CADPS: variants seen among roughly 807,000 people sequenced by gnomAD.
The protein encoded by CADPS is calcium-dependent secretion activator 1.
A neutral mutation model predicts 167.3 loss-of-function variants in CADPS; 57 were observed. That is an observed-to-expected ratio of 0.34 (90% CI 0.28 to 0.42). The LOEUF is 0.42. Among genes scored for constraint, CADPS ranks in the 20% least tolerant of loss-of-function variants. The probability of loss-of-function intolerance (pLI) is 1.00; values close to 1 mark genes in which losing one functional copy is unlikely to be tolerated. For missense variants in CADPS, 1,414 were observed against 1,738.1 expected, an observed-to-expected ratio of 0.81 and a Z score of 3.32; for synonymous variants, 676 against 635.3, an observed-to-expected ratio of 1.06 and a Z score of -0.96.
chr3:62,588,837 C>T (rs1198154453), intron 7 of CADPS, among the ~76,000 whole-genome samples: 1 of 152,004 alleles, frequency 6.6e-6, no homozygotes, highest in Non-Finnish European at 1.5e-5. Flanking sequence ...ATTTCAGGCA[C>T]CATGTAGAGA....
At chr3:62,835,300 G>A (rs1366584144) in intron 1 of CADPS, among the ~76,000 whole-genome samples, 5 of 152,084 alleles carry the variant, frequency 3.3e-5, no homozygotes, top group Non-Finnish European at 5.9e-5. Flanking sequence ...AACAATCAGG[G>A]AACAACAGGG....
intron 6 of CADPS, among the ~76,000 whole-genome samples, chr3:62,629,605 AC>A (rs2064855662): frequency 6.6e-6 from 1 of 152,186 alleles, no homozygotes; most frequent in Admixed American, 6.5e-5. Context: ...AGTAACCACC[AC>A]CATGGCCATT....
chr3:62,770,397 A>G (rs894651620), intron 1 of CADPS, among the ~76,000 whole-genome samples: 6 of 152,180 alleles, frequency 3.9e-5, no homozygotes, highest in Admixed American at 1.3e-4. Context: ...ATACTTTATC[A>G]GCACAGAATA....
At chr3:62,776,256 C>T (rs2090261072) in intron 1 of CADPS, among the ~76,000 whole-genome samples, 1 of 152,128 alleles carries the variant, frequency 6.6e-6, no homozygotes, top group Admixed American at 6.5e-5. Context: ...GAGAACAGAA[C>T]ACAGTACAGG....
intron 1 of CADPS, among the ~76,000 whole-genome samples, chr3:62,814,856 C>T (rs767079618): frequency 2.0e-5 from 3 of 152,092 alleles, no homozygotes; most frequent in Non-Finnish European, 4.4e-5. Context: ...GTTTTTATTA[C>T]GTTAAAGATC....
At chr3:62,720,411 C>T (rs1371120645) in intron 3 of CADPS, among the ~76,000 whole-genome samples, 1 of 151,370 alleles carries the variant, frequency 6.6e-6, no homozygotes, top group Non-Finnish European at 1.5e-5. Flanking sequence ...TAACATTGAA[C>T]TCCTGGGACT....
At chr3:62,467,095 T>G (rs2060030722) in intron 24 of CADPS, among the ~76,000 whole-genome samples, 2 of 152,284 alleles carry the variant, frequency 1.3e-5, no homozygotes, top group South Asian at 4.1e-4. Flanking sequence ...ATTTAAATAG[T>G]AATGTGAAGA....
At chr3:62,642,084 G>A (rs2067541679) in intron 6 of CADPS, among the ~76,000 whole-genome samples, 1 of 144,524 alleles carries the variant, frequency 6.9e-6, no homozygotes, top group Admixed American at 7.3e-5. Flanking sequence ...GTTATGTTAT[G>A]TACTCCTAAA....
chr3:62,804,177 A>C (rs1382101395), intron 1 of CADPS, among the ~76,000 whole-genome samples: 1 of 152,142 alleles, frequency 6.6e-6, no homozygotes, highest in East Asian at 1.9e-4. Context: ...GACAGGGACC[A>C]TTATGTCTGT....
At chr3:62,554,085 G>C (rs1482894143) in intron 10 of CADPS, among the ~76,000 whole-genome samples, 2 of 152,152 alleles carry the variant, frequency 1.3e-5, no homozygotes, top group Non-Finnish European at 2.9e-5. Context: ...AGTCGTATAA[G>C]AATAATTCAG....
intron 1 of CADPS, among the ~76,000 whole-genome samples, chr3:62,872,894 T>C (rs1245851522): frequency 2.0e-5 from 3 of 152,252 alleles, no homozygotes; most frequent in Non-Finnish European, 2.9e-5. Context: ...CTGTTATTAC[T>C]GGGATAGATT....
At chr3:62,729,866 C>A (rs926820885) in intron 3 of CADPS, among the ~76,000 whole-genome samples, 14 of 151,756 alleles carry the variant, frequency 9.2e-5, no homozygotes, top group African/African-American at 3.4e-4. Flanking sequence ...CTCGTCTCTG[C>A]TGGGCATGTG....
intron 21 of CADPS, among the ~76,000 whole-genome samples, chr3:62,483,240 G>A (rs2150884861): frequency 6.6e-6 from 1 of 151,166 alleles, no homozygotes; most frequent in African/African-American, 2.4e-5. Flanking sequence ...CCCTGGGCAA[G>A]CTGTGTTTGA....
chr3:62,652,492 A>G (rs2070450955), intron 4 of CADPS, among the ~76,000 whole-genome samples: 1 of 152,090 alleles, frequency 6.6e-6, no homozygotes. Context: ...CCTGTCATCA[A>G]TCAGATTTAC....
rs555525808 is a variant in CADPS at position 62,516,349 on chromosome 3, G to A, written c.2458-167C>T. On this transcript the variant is annotated intron_variant, in intron 15 of 29. Coordinates refer to ENST00000383710, the MANE Select transcript of CADPS (RefSeq NM_003716.4). ...GAATTGCAAAGCATTGGCAAAGGCC[G>A]TCCATGAGTCAGGGAAGGGCTAGGA... Among the ~76,000 whole-genome samples the A allele has an allele frequency of 4.6e-5, 7 of 152,258 alleles. No homozygotes were observed. In the East Asian group the frequency reaches 7.7e-4, roughly 17 times the overall value.
At chr3:62,413,288 A>G (rs927197749) in intron 28 of CADPS, among the ~76,000 whole-genome samples, 3 of 152,152 alleles carry the variant, frequency 2.0e-5, no homozygotes, top group African/African-American at 7.2e-5. Flanking sequence ...ATGCAAAAAC[A>G]TTGAAAGTAG....
intron 21 of CADPS, 99 bp downstream of exon 21, chr3:62,491,240 A>G: frequency 8.0e-7 from 1 of 1,257,498 alleles, no homozygotes; most frequent in Non-Finnish European, 1.1e-6. Context: ...CTCTGTCCAC[A>G]ATAACAGTGA....
At chr3:62,739,557 T>C (rs2079749285) in intron 3 of CADPS, among the ~76,000 whole-genome samples, 1 of 152,206 alleles carries the variant, frequency 6.6e-6, no homozygotes, top group South Asian at 2.1e-4. Flanking sequence ...TTAAATCTTT[T>C]TGGCCTCCCT....
chr3:62,651,134 TA>T, intron 4 of CADPS, 54 bp from the exon 5 acceptor site: 1 of 1,275,270 alleles, frequency 7.8e-7, no homozygotes, highest in Non-Finnish European at 1.1e-6. Context: ...AGCTGATTTA[TA>T]AAGAAGGTCT....
Sources: gnomAD v4.1 joint callset for allele counts (sites outside exome capture counted in the v4.1 genomes callset) on GRCh38, gnomAD v4.1.1 for gene constraint, MANE v1.5 for transcripts, NCBI Gene and HGNC (gene_info 2026-07-23, HGNC 2026-07-21) for gene names.